The following CEP72 variants were observed in gnomAD, a reference collection of about 807,000 sequenced individuals.
CEP72 encodes centrosomal protein 72.
Under a neutral mutation model 65.7 loss-of-function variants are expected in CEP72, and 78 were observed. The observed-to-expected ratio is 1.19, with a 90% CI of 0.99 to 1.43. CEP72 has a LOEUF of 1.43. Ranked by LOEUF, CEP72 falls within the 40% of genes most tolerant of loss-of-function variation. The pLI, the probability that CEP72 is intolerant of heterozygous loss-of-function variation, is 0.00. For synonymous variants in CEP72, 358 were observed against 351.7 expected, an observed-to-expected ratio of 1.02 and a Z score of -0.20; for missense variants, 914 against 832.9, an observed-to-expected ratio of 1.10 and a Z score of -1.20.
At chr5:669,722 C>A (rs534310498), downstream of CEP72, among the ~76,000 whole-genome samples, 2 of 152,044 alleles carry the variant, frequency 1.3e-5, no homozygotes, top group Admixed American at 1.3e-4. Flanking sequence ...ACCTGCTCTG[C>A]GCGCTCCCCG....
downstream of CEP72, among the ~76,000 whole-genome samples, chr5:659,200 A>G (rs1177851810): frequency 6.6e-6 from 1 of 152,220 alleles, no homozygotes; most frequent in Non-Finnish European, 1.5e-5. Context: ...TGGTTCCTGG[A>G]GCGCGAGGCG....
intron 9 of CEP72, chr5:643,738 C>T (rs879942466): frequency 3.8e-5 from 33 of 867,592 alleles, no homozygotes; most frequent in Non-Finnish European, 4.6e-5. Flanking sequence ...CCTCACCAGA[C>T]ACCCTGGGGC....
chr5:619,228 G>C, intron 2 of CEP72, 111 bp downstream of exon 2: 2 of 915,830 alleles, frequency 2.2e-6, no homozygotes, highest in Non-Finnish European at 3.4e-6. Flanking sequence ...TCTGTATACG[G>C]TACACTTTGT....
Position 619,047 on chromosome 5 carries a change from G to A in CEP72, c.140G>A (p.Gly47Glu), listed in dbSNP as rs754934632. ...GTYQEKITHL[G>E]HSLMSLTGLK... is the part of the protein sequence containing the mutation. ...TACCAAGAGAAGATCACCCACCTGG[G>A]ACATTCTCTGATGAGTTTAACAGGT... Residue 47 changes from glycine to glutamate, a missense_variant, in exon 2 of 12, where the codon GGA becomes GAA. Gly to Glu is a moderately conservative substitution (Grantham distance 98, BLOSUM62 -2). Transcript: ENST00000264935. 5.0e-6 allele frequency: 8 copies of A among 1,613,100 alleles called. No homozygotes were observed. Among genetic ancestry groups the A allele is most frequent in the Non-Finnish European group, 6.8e-6 (8 of 1,179,078 alleles).
At chr5:634,086 G>A in intron 5 of CEP72, 139 bp downstream of exon 5, 1 of 748,976 alleles carries the variant, frequency 1.3e-6, no homozygotes, top group Non-Finnish European at 2.1e-6. Context: ...GTGTCTTTGT[G>A]TGCTTTCGAA....
chr5:668,911 C>G (rs528794252), downstream of CEP72, among the ~76,000 whole-genome samples: 31 of 152,330 alleles, frequency 2.0e-4, no homozygotes, highest in Middle Eastern at 3.4e-3. Flanking sequence ...TGGAGCCAGG[C>G]ACGGAGGTGC....
At chr5:669,441 CAG>C (rs972445023), downstream of CEP72, among the ~76,000 whole-genome samples, 2 of 152,196 alleles carry the variant, frequency 1.3e-5, no homozygotes, top group African/African-American at 2.4e-5. Context: ...CTGGAACTGA[CAG>C]TGCCCATTGG....
chr5:632,089 T>A (rs1737230223), intron 4 of CEP72, among the ~76,000 whole-genome samples: 1 of 53,934 alleles, frequency 1.9e-5, no homozygotes, highest in South Asian at 7.0e-4. Context: ...CCTGGTGGGG[T>A]TCTGTCCAGT....
At chr5:671,362 C>T (rs1370728586), downstream of CEP72, among the ~76,000 whole-genome samples, 1 of 151,970 alleles carries the variant, frequency 6.6e-6, no homozygotes, top group Non-Finnish European at 1.5e-5. Flanking sequence ...ATCTGAGGGG[C>T]CCGACCTTCT....
chr5:654,340 T>TGC (rs386402801), downstream of CEP72, among the ~76,000 whole-genome samples: 5 of 147,298 alleles, frequency 3.4e-5, no homozygotes, highest in East Asian at 2.1e-4. Context: ...GCGCTGTGTG[T>TGC]GCGCGCACGC....
downstream of CEP72, among the ~76,000 whole-genome samples, chr5:669,535 C>T (rs1740115231): frequency 6.6e-6 from 1 of 152,164 alleles, no homozygotes; most frequent in African/African-American, 2.4e-5. Flanking sequence ...GTCTTCTATT[C>T]CCACCCTGCC....
chr5:664,795 C>G (rs1206618457), intron 2 of CEP72: 2 of 338,326 alleles, frequency 5.9e-6, no homozygotes, highest in East Asian at 5.8e-5. Context: ...TTAAAACGCC[C>G]CTTTGACCTG....
chr5:667,531 A>G (rs1739970798), downstream of CEP72, among the ~76,000 whole-genome samples: 10 of 152,188 alleles, frequency 6.6e-5, no homozygotes, highest in Admixed American at 6.5e-4. Context: ...TGGCAACAAA[A>G]CATGGCCTAT....
Position 637,798 on chromosome 5 carries a change from G to A in CEP72, c.1186G>A (p.Gly396Ser). Residue 396 changes from glycine to serine, a missense_variant, in exon 7 of 12, where the codon GGT (glycine) becomes AGT (serine). Gly to Ser is a moderately conservative substitution (Grantham distance 56). Coordinates refer to ENST00000264935, the MANE Select transcript of CEP72 (RefSeq NM_018140.4). ...ASETEEQRSR[G>S]VTDTREPSPG... The stretch of plus-strand genomic sequence containing the variant: ...GGAGACTGAGGAGCAGAGGTCTCGG[G>A]GTGTGACCGACACCAGAGAGGTGAG... 6.3e-7 allele frequency: 1 copy of A among 1,580,224 alleles called. No individual in the cohort carries two copies. The highest frequency in any genetic ancestry group is 8.6e-7 in the Non-Finnish European group (1 of 1,161,346).
chr5:668,111 C>G (rs139528526), downstream of CEP72, among the ~76,000 whole-genome samples: 2 of 39,726 alleles, frequency 5.0e-5, no homozygotes, highest in East Asian at 5.7e-4. Context: ...AGGGAAGTAC[C>G]GACAAGCACA....
chr5:620,144 C>G lies in CEP72; in HGVS notation c.286C>G (p.Arg96Gly), dbSNP rs768607398. 2.5e-6 allele frequency: 4 copies of G among 1,614,132 alleles called. No homozygotes were observed. Among genetic ancestry groups the G allele is most frequent in the Non-Finnish European group, 1.7e-6 (2 of 1,180,010 alleles). The change falls in exon 3 of 12, where the codon CGG becomes GGG. Residue 96 changes from arginine (R) to glycine (G), a missense_variant. Physicochemically the swap from Arg to Gly is moderately radical, Grantham distance 125 (BLOSUM62 -2). Transcript: ENST00000264935. ...NCISSLAEVFRLHALTELVDV... is the reference protein window; with the variant it reads ...NCISSLAEVFGLHALTELVDV... ...CATCTCCTCGTTGGCAGAAGTGTTT[C>G]GGCTCCACGCCTTAACCGAGCTCGT... is the stretch of plus-strand genomic sequence containing the variant.
intron 11 of CEP72, among the ~76,000 whole-genome samples, chr5:651,892 A>C (rs1320332979): frequency 6.8e-6 from 1 of 147,014 alleles, no homozygotes; most frequent in African/African-American, 2.5e-5. Flanking sequence ...CCTCAGGCTG[A>C]GGCTGCCACA....
intron 6 of CEP72, among the ~76,000 whole-genome samples, chr5:635,872 C>A (rs1319566239): frequency 3.3e-5 from 5 of 150,488 alleles, no homozygotes; most frequent in Non-Finnish European, 7.4e-5. Flanking sequence ...TGACCTGTTC[C>A]AGACTCATCC....
chr5:669,725 G>A (rs555247692), downstream of CEP72, among the ~76,000 whole-genome samples: 78 of 152,108 alleles, frequency 5.1e-4, no homozygotes, highest in Non-Finnish European at 8.1e-4. Context: ...TGCTCTGCGC[G>A]CTCCCCGAGT....
Sources: allele counts gnomAD v4.1 joint callset (sites outside exome capture counted in the v4.1 genomes callset), GRCh38; gene constraint gnomAD v4.1.1; transcripts MANE v1.5; gene names NCBI Gene and HGNC (gene_info 2026-07-23, HGNC 2026-07-21).